The following SAMMSON variants were observed in gnomAD, a reference collection of about 807,000 sequenced individuals.
SAMMSON encodes survival associated mitochondrial melanoma specific oncogenic non-coding RNA, also known as long intergenic non-protein coding RNA 1212.
intron 4 of SAMMSON, chr3:70,140,296 TG>T (rs2067522649): frequency 4.7e-6 from 1 of 212,586 alleles, no homozygotes; most frequent in South Asian, 9.5e-5. Context: ...GAGGAATTAC[TG>T]GATCCCCCAA....
chr3:70,374,576 T>C (rs1181009007), intron 9 of SAMMSON, among the ~76,000 whole-genome samples: 1 of 152,126 alleles, frequency 6.6e-6, no homozygotes, highest in East Asian at 1.9e-4. Flanking sequence ...AAATCACTGA[T>C]AATACTGCCT....
intron 4 of SAMMSON, among the ~76,000 whole-genome samples, chr3:70,117,122 G>C (rs1054051797): frequency 1.3e-5 from 2 of 152,146 alleles, no homozygotes; most frequent in African/African-American, 4.8e-5. Flanking sequence ...GTACACCCTG[G>C]GAAGAGAAAA....
chr3:70,403,228 C>T (rs1418545253), intron 2 of SAMMSON, among the ~76,000 whole-genome samples: 1 of 152,134 alleles, frequency 6.6e-6, no homozygotes, highest in East Asian at 1.9e-4. Flanking sequence ...ACATATTTGA[C>T]TTGTCCTGCC....
At position 70,389,071 on chromosome 3, in the gene SAMMSON, T is replaced by G. The variant is rs182796962; in HGVS notation, n.914-503T>G. On this transcript the variant is annotated intron_variant and non_coding_transcript_variant, in intron 9 of 9. Transcript: ENST00000642114. Reference sequence around the variant, plus strand: ...TTCTCTCTTGCTTCCTCTCTTGCCGTGGGACCTCTTTGCACATACCCATTC... The same window carrying G: ...TTCTCTCTTGCTTCCTCTCTTGCCGGGGGACCTCTTTGCACATACCCATTC... Among the ~76,000 whole-genome samples the G allele has an allele frequency of 4.6e-5, 7 of 152,186 alleles. No individual in the cohort carries two copies. In the East Asian group the frequency reaches 1.4e-3, roughly 30 times the overall value.
intron 7 of SAMMSON, among the ~76,000 whole-genome samples, chr3:70,326,845 GTGA>G (rs1235658975): frequency 6.6e-6 from 1 of 152,096 alleles, no homozygotes; most frequent in African/African-American, 2.4e-5. Context: ...GATGATGATG[GTGA>G]TGATAATGAT....
At chr3:70,365,320 CAT>C (rs763943858) in intron 9 of SAMMSON, among the ~76,000 whole-genome samples, 117 of 151,150 alleles carry the variant, frequency 7.7e-4, no homozygotes, top group African/African-American at 2.6e-3. Context: ...TATACACACA[CAT>C]ATATATGTGT....
At chr3:70,064,326 T>G (rs1204992223) in intron 3 of SAMMSON, among the ~76,000 whole-genome samples, 6 of 152,156 alleles carry the variant, frequency 3.9e-5, no homozygotes, top group Admixed American at 3.9e-4. Context: ...CTCAGAAATC[T>G]GGGACTTTAC....
At chr3:70,094,429 A>C (rs976516685) in intron 4 of SAMMSON, among the ~76,000 whole-genome samples, 1 of 152,168 alleles carries the variant, frequency 6.6e-6, no homozygotes, top group Non-Finnish European at 1.5e-5. Flanking sequence ...GTTCCACTCC[A>C]TTGCTCTTAA....
intron 7 of SAMMSON, among the ~76,000 whole-genome samples, chr3:70,299,271 G>A (rs1202009264): frequency 6.6e-6 from 1 of 152,008 alleles, no homozygotes; most frequent in Non-Finnish European, 1.5e-5. Flanking sequence ...ATCAAAACAT[G>A]CTATTAAAAT....
intron 2 of SAMMSON, among the ~76,000 whole-genome samples, chr3:70,404,410 T>G (rs1045230558): frequency 6.6e-6 from 1 of 152,172 alleles, no homozygotes; most frequent in African/African-American, 2.4e-5. Flanking sequence ...TATGGCAGTT[T>G]TGATCTTGTC....
At chr3:70,429,113 T>G (rs1300161288) in intron 2 of SAMMSON, among the ~76,000 whole-genome samples, 1 of 152,214 alleles carries the variant, frequency 6.6e-6, no homozygotes, top group Non-Finnish European at 1.5e-5. Flanking sequence ...TACATTTAAG[T>G]CTTTAATCCA....
At chr3:70,232,491 C>T (rs774622051) in intron 4 of SAMMSON, among the ~76,000 whole-genome samples, 1 of 151,876 alleles carries the variant, frequency 6.6e-6, no homozygotes, top group Non-Finnish European at 1.5e-5. Flanking sequence ...CCTCCGACTC[C>T]CGGGTTCAAG....
chr3:70,248,330 G>T (rs1332619048), intron 4 of SAMMSON, among the ~76,000 whole-genome samples: 1 of 152,166 alleles, frequency 6.6e-6, no homozygotes. Flanking sequence ...CACCTCTGAA[G>T]GAGTTTATAA....
chr3:70,061,614 T>A (rs1474846421), intron 3 of SAMMSON, among the ~76,000 whole-genome samples: 1 of 152,064 alleles, frequency 6.6e-6, no homozygotes, highest in African/African-American at 2.4e-5. Context: ...CCATGCCCTG[T>A]TAAATGTCAC....
intron 3 of SAMMSON, among the ~76,000 whole-genome samples, chr3:70,023,619 A>G (rs2067024926): frequency 6.6e-6 from 1 of 152,114 alleles, no homozygotes; most frequent in Non-Finnish European, 1.5e-5. Flanking sequence ...AAAAATGTGA[A>G]TCTTAACTCT....
chr3:70,107,314 A>G (rs1418957432), intron 4 of SAMMSON, among the ~76,000 whole-genome samples: 2 of 152,212 alleles, frequency 1.3e-5, no homozygotes, highest in Non-Finnish European at 2.9e-5. Context: ...GCTGTAGGAT[A>G]TGGAACAAGG....
intron 8 of SAMMSON, among the ~76,000 whole-genome samples, chr3:70,357,722 A>G (rs980105017): frequency 2.0e-5 from 3 of 152,194 alleles, no homozygotes; most frequent in Non-Finnish European, 2.9e-5. Context: ...AATTTTAAAA[A>G]AAGAAACATT....
chr3:70,051,316 C>T (rs2067145087), intron 3 of SAMMSON, among the ~76,000 whole-genome samples: 1 of 150,618 alleles, frequency 6.6e-6, no homozygotes, highest in Admixed American at 6.6e-5. Context: ...AATTAAACAA[C>T]ATAGTTCAAG....
intron 1 of SAMMSON, among the ~76,000 whole-genome samples, chr3:70,005,483 A>C (rs1030359615): frequency 6.6e-6 from 1 of 152,182 alleles, no homozygotes; most frequent in East Asian, 1.9e-4. Context: ...TTCTGGCCCA[A>C]GCTTTTTTAG....
Sources: allele counts gnomAD v4.1 joint callset (sites outside exome capture counted in the v4.1 genomes callset), GRCh38; gene constraint gnomAD v4.1.1; transcripts MANE v1.5; gene names NCBI Gene and HGNC (gene_info 2026-07-23, HGNC 2026-07-21).